The following MTPAP variants were observed in gnomAD, a reference collection of about 807,000 sequenced individuals.
MTPAP encodes poly(A) RNA polymerase, mitochondrial.
In MTPAP, 23 loss-of-function variants were observed where a neutral mutation model predicts 48.7. That is an observed-to-expected ratio of 0.47 (90% CI 0.34 to 0.67). The LOEUF (loss-of-function observed/expected upper bound fraction) is 0.67, where lower values mean the gene tolerates loss of function less well. MTPAP is among the 30% of genes least tolerant of loss of function. The pLI is 0.01. For synonymous variants in MTPAP, 257 were observed against 254.1 expected (o/e 1.01, Z -0.11); for missense variants, 614 against 694.3 (o/e 0.88, Z 1.30).
In MTPAP at chr10:30,313,593, C is replaced by T; in HGVS notation, c.*16G>A. On this transcript the variant is annotated 3_prime_UTR_variant, in exon 9 of 9. Coordinates refer to ENST00000263063, the MANE Select transcript of MTPAP (RefSeq NM_018109.4). ...TTGATAGGCTAAGCCCAGTTCTTTA[C>T]ACAATGTAGCAGCCATCATGTCTGA... 6.2e-7 allele frequency: 1 copy of T among 1,614,132 alleles called. No homozygotes were observed.
intron 6 of MTPAP, among the ~76,000 whole-genome samples, chr10:30,318,748 C>T (rs538074273): frequency 1.3e-5 from 2 of 152,116 alleles, no homozygotes; most frequent in Non-Finnish European, 2.9e-5. Context: ...AAATGTTATC[C>T]AATCATTTTG....
At chr10:30,327,072 A>G (rs928249263) in intron 4 of MTPAP, among the ~76,000 whole-genome samples, 4 of 152,192 alleles carry the variant, frequency 2.6e-5, no homozygotes, top group African/African-American at 7.2e-5. Flanking sequence ...AGAAGACTAG[A>G]TGGTGTAAAC....
intron 1 of MTPAP, among the ~76,000 whole-genome samples, chr10:30,344,452 T>C (rs1408140017): frequency 1.3e-5 from 2 of 152,150 alleles, no homozygotes; most frequent in East Asian, 3.9e-4. Flanking sequence ...TAGTGTTATA[T>C]TTATTTAACA....
In MTPAP at chr10:30,336,839, C is replaced by G; in HGVS notation, c.744G>C (p.Leu248Phe). ...GKLGCDLDMF[L>F]DLDETRNLSA... is the part of the protein sequence containing the mutation. ...TGAGGTTTCTGGTTTCATCTAGATC[C>G]AAAAACATGTCCAAATCACATCCTA... Residue 248 changes from leucine to phenylalanine, a missense_variant, in exon 4 of 9, where the codon TTG becomes TTC. By Grantham distance (22) the Leu-to-Phe change is conservative (BLOSUM62 0). Around this residue, in one of 5 missense-constraint regions of MTPAP, gnomAD observed 261 missense variants for 355.4 expected, o/e 0.73. Transcript: ENST00000263063. The G allele has an allele frequency of 6.2e-7, 1 of 1,612,260 alleles. No individual in the cohort carries two copies. Among genetic ancestry groups the G allele is most frequent in the Non-Finnish European group, 8.5e-7 (1 of 1,179,842 alleles).
Position 30,340,225 on chromosome 10 carries a change from C to T in MTPAP, c.555+1G>A. The T allele has an allele frequency of 6.2e-7, 1 of 1,610,352 alleles. No homozygotes were observed. Among genetic ancestry groups the T allele is most frequent in the Non-Finnish European group, 8.5e-7 (1 of 1,176,554 alleles). On this transcript the variant is annotated splice_donor_variant, in intron 3 of 8. Coordinates refer to ENST00000263063, the MANE Select transcript of MTPAP (RefSeq NM_018109.4). LOFTEE classifies it high-confidence loss of function. The stretch of plus-strand genomic sequence containing the variant: ...AAGTTGAGGTACACCTAAAAACTTA[C>T]ACTTTCTGCATAACAAAGTAATTCA...
chr10:30,336,878 G>C lies in MTPAP; in HGVS notation c.705C>G (p.Asn235Lys). Reference protein sequence around the residue: ...CIVRPFGSSVNTFGKLGCDLD... With the variant: ...CIVRPFGSSVKTFGKLGCDLD... ...AATCACATCCTAACTTCCCAAAAGT[G>C]TTGACTGAGGAGCCAAAGGGTCTGA... The change falls in exon 4 of 9, where the codon AAC becomes AAG. Residue 235 changes from asparagine to lysine, a missense_variant. Around this residue, in one of 5 missense-constraint regions of MTPAP, gnomAD observed 261 missense variants for 355.4 expected, o/e 0.73. Transcript: ENST00000263063. The C allele has an allele frequency of 6.2e-7, 1 of 1,612,980 alleles. No homozygotes were observed. The highest frequency in any genetic ancestry group is 8.5e-7 in the Non-Finnish European group (1 of 1,180,018).
At chr10:30,323,128 C>T (rs372171598) in intron 5 of MTPAP, among the ~76,000 whole-genome samples, 1 of 86,520 alleles carries the variant, frequency 1.2e-5, no homozygotes, top group Non-Finnish European at 2.1e-5. Flanking sequence ...GACTCCGTTT[C>T]AAAAAAAAAA....
chr10:30,314,589 A>C (rs1304508704), intron 8 of MTPAP, among the ~76,000 whole-genome samples: 1 of 152,182 alleles, frequency 6.6e-6, no homozygotes, highest in African/African-American at 2.4e-5. Context: ...ATAAGATAGT[A>C]TCTCACAGAA....
intron 4 of MTPAP, among the ~76,000 whole-genome samples, chr10:30,327,209 C>T (rs956256951): frequency 2.0e-5 from 3 of 151,918 alleles, no homozygotes; most frequent in Non-Finnish European, 4.4e-5. Flanking sequence ...TAAAACTCGC[C>T]GGGTGCAGTG....
chr10:30,336,738 A>T, intron 4 of MTPAP, 65 bp downstream of exon 4: 2 of 1,281,576 alleles, frequency 1.6e-6, no homozygotes, highest in South Asian at 2.4e-5. Flanking sequence ...ATTAAGTTCA[A>T]AGATTTTTCT....
chr10:30,339,415 A>G (rs914264598), intron 3 of MTPAP, among the ~76,000 whole-genome samples: 1 of 143,738 alleles, frequency 7.0e-6, no homozygotes, highest in Admixed American at 7.3e-5. Context: ...TGAATCGGGG[A>G]GCAGTTGCAG....
In MTPAP at chr10:30,336,827, T is replaced by C; in HGVS notation, c.756A>G (p.Glu252=). The C allele has an allele frequency of 6.2e-7, 1 of 1,611,426 alleles. No individual in the cohort carries two copies. The highest frequency in any genetic ancestry group is 8.5e-7 in the Non-Finnish European group (1 of 1,179,126). Residue 252 remains glutamate (E), a synonymous_variant, in exon 4 of 9, where the codon GAA becomes GAG. Coordinates refer to ENST00000263063, the MANE Select transcript of MTPAP (RefSeq NM_018109.4). ...CCTTGTGAGCGCTGAGGTTTCTGGT[T>C]TCATCTAGATCCAAAAACATGTCCA... ...CDLDMFLDLD[E]TRNLSAHKIS...
chr10:30,317,316 A>G (rs16931377), intron 6 of MTPAP, among the ~76,000 whole-genome samples: 2,293 of 152,294 alleles, frequency 0.015, 48 homozygotes, highest in African/African-American at 0.051. Context: ...TACATCTCCA[A>G]TTCCATTCTT....
At chr10:30,322,649 A>G (rs200467583) in intron 5 of MTPAP, 32 bp from the exon 6 acceptor site, 6 of 1,480,134 alleles carry the variant, frequency 4.1e-6, no homozygotes, top group Non-Finnish European at 4.7e-6. Flanking sequence ...AAAATGTTCA[A>G]ATCCCCAAAT....
chr10:30,319,046 TA>T (rs895218607), intron 6 of MTPAP, among the ~76,000 whole-genome samples: 6 of 134,264 alleles, frequency 4.5e-5, no homozygotes, highest in East Asian at 2.2e-4. Flanking sequence ...AGATTCTCCA[TA>T]AAAAAAAGCG....
chr10:30,344,792 C>T (rs904574484), intron 1 of MTPAP, among the ~76,000 whole-genome samples: 1 of 151,574 alleles, frequency 6.6e-6, no homozygotes, highest in Admixed American at 6.6e-5. Flanking sequence ...GCAATCTCCA[C>T]CTCCAGGGTT....
intron 4 of MTPAP, among the ~76,000 whole-genome samples, chr10:30,330,282 C>T (rs1834650208): frequency 6.6e-6 from 1 of 152,134 alleles, no homozygotes; most frequent in South Asian, 2.1e-4. Context: ...ACCTTCATAA[C>T]CTAGTTCCCT....
chr10:30,327,463 T>TA (rs1470394695), intron 4 of MTPAP, among the ~76,000 whole-genome samples: 1 of 150,632 alleles, frequency 6.6e-6, no homozygotes, highest in African/African-American at 2.4e-5. Context: ...CACACTACTG[T>TA]ACTCCAGCCT....
intron 5 of MTPAP, among the ~76,000 whole-genome samples, chr10:30,323,956 A>C (rs968263591): frequency 1.3e-5 from 2 of 152,216 alleles, no homozygotes; most frequent in Non-Finnish European, 2.9e-5. Flanking sequence ...TGAGGTGGGC[A>C]GATAGCTTGA....
Sources: gnomAD v4.1 joint callset for allele counts (sites outside exome capture counted in the v4.1 genomes callset) on GRCh38, gnomAD v4.1.1 for gene constraint, gnomAD v4.1.1 regional missense constraint, MANE v1.5 for transcripts, NCBI Gene and HGNC (gene_info 2026-07-23, HGNC 2026-07-21) for gene names.